Variants in EPB41L4B observed in about 807,000 individuals in gnomAD.
The protein encoded by EPB41L4B is band 4.1-like protein 4B.
Under a neutral mutation model 112.5 loss-of-function variants are expected in EPB41L4B, and 30 were observed. The ratio of observed to expected loss-of-function variants is 0.27; its 90% confidence interval spans 0.20 to 0.36. The LOEUF (loss-of-function observed/expected upper bound fraction) is 0.36. EPB41L4B is among the 10% of genes least tolerant of loss of function. EPB41L4B has a pLI of 1.00. For missense variants in EPB41L4B, 1,024 were observed against 1,133.3 expected, an observed-to-expected ratio of 0.90 and a Z score of 1.38; for synonymous variants, 408 against 439.7, an observed-to-expected ratio of 0.93 and a Z score of 0.90.
rs1309774165 is a variant in EPB41L4B, at chr9:109,258,283, A to C, written c.646T>G (p.Cys216Gly). The change falls in exon 7 of 26, where the codon TGC becomes GGC. Residue 216 changes from cysteine to glycine, a missense_variant. Transcript: ENST00000374566. Reference sequence around the variant, plus strand: ...TCTGGTGTGTGTTCTGGAAGCTCGCACTCCCCAAGCTCCGCTGTAAGTTTC... The same window carrying C: ...TCTGGTGTGTGTTCTGGAAGCTCGCCCTCCCCAAGCTCCGCTGTAAGTTTC... ...ALCLQAELGECELPEHTPELV... is the reference protein window; with the variant it reads ...ALCLQAELGEGELPEHTPELV... 9 of 1,613,172 alleles carry C rather than the reference A, an allele frequency of 5.6e-6. No individual in the cohort carries two copies. Among genetic ancestry groups the C allele is most frequent in the Non-Finnish European group, 7.6e-6 (9 of 1,179,360 alleles).
chr9:109,210,952 G>A (rs868227213), intron 17 of EPB41L4B, among the ~76,000 whole-genome samples: 7 of 152,176 alleles, frequency 4.6e-5, no homozygotes, highest in South Asian at 2.1e-4. Flanking sequence ...GAAATAGTCC[G>A]TCTGTTTGGG....
intron 14 of EPB41L4B, among the ~76,000 whole-genome samples, 182 bp downstream of exon 14, chr9:109,247,574 A>G (rs1291245575): frequency 2.6e-5 from 4 of 152,222 alleles, no homozygotes; most frequent in African/African-American, 9.6e-5. Context: ...GTCAGAAGGA[A>G]AGGGCTCTTC....
intron 7 of EPB41L4B, 66 bp downstream of exon 7, chr9:109,258,111 G>A: frequency 6.5e-7 from 1 of 1,534,914 alleles, no homozygotes; most frequent in Non-Finnish European, 8.9e-7. Flanking sequence ...AGATAAAGGA[G>A]TGTGATCAAC....
intron 1 of EPB41L4B, among the ~76,000 whole-genome samples, chr9:109,318,823 T>C (rs73523046): frequency 0.011 from 1,608 of 152,344 alleles, 27 homozygotes; most frequent in African/African-American, 0.037. Flanking sequence ...TGATATCTTA[T>C]GGAGAGCACA....
intron 16 of EPB41L4B, among the ~76,000 whole-genome samples, chr9:109,214,501 G>A (rs929182389): frequency 6.6e-6 from 1 of 152,200 alleles, no homozygotes; most frequent in African/African-American, 2.4e-5. Context: ...CTGAGAAAAG[G>A]TTTATTTAAT....
intron 1 of EPB41L4B, among the ~76,000 whole-genome samples, chr9:109,289,283 T>C (rs1340682478): frequency 6.6e-6 from 1 of 152,174 alleles, no homozygotes; most frequent in East Asian, 1.9e-4. Flanking sequence ...CACCCCACCA[T>C]ACACAGCAGG....
chr9:109,208,042 T>G lies in EPB41L4B; in HGVS notation c.1760A>C (p.Glu587Ala). The stretch of plus-strand genomic sequence containing the variant: ...AAGAGTTTTCTCCGAGACTTTCTTT[T>G]CTTCAGCCTGAGACAAACCAAAATA... ...PLHININKAEEKKVSEKTLQT... is the reference protein window; with the variant it reads ...PLHININKAEAKKVSEKTLQT... The change falls in exon 18 of 26, where the codon GAA (glutamate) becomes GCA (alanine). Residue 587 changes from glutamate (E) to alanine (A), a missense_variant. By Grantham distance (107) the Glu-to-Ala change is moderately radical. Transcript: ENST00000374566. 4 of 1,614,108 alleles carry G rather than the reference T, an allele frequency of 2.5e-6. No individual in the cohort carries two copies. The highest frequency in any genetic ancestry group is 3.4e-6 in the Non-Finnish European group (4 of 1,180,024).
At chr9:109,319,307 G>C (rs942250590) in intron 1 of EPB41L4B, among the ~76,000 whole-genome samples, 1 of 152,138 alleles carries the variant, frequency 6.6e-6, no homozygotes, top group South Asian at 2.1e-4. Flanking sequence ...CCTGTGGGCG[G>C]GTGCCCGGGA....
At chr9:109,312,355 G>A (rs1837442073) in intron 1 of EPB41L4B, among the ~76,000 whole-genome samples, 1 of 152,072 alleles carries the variant, frequency 6.6e-6, no homozygotes, top group Non-Finnish European at 1.5e-5. Context: ...GTTGAATTAT[G>A]GCCATCAAAC....
chr9:109,254,187 A>T (rs1834898266), intron 11 of EPB41L4B, among the ~76,000 whole-genome samples: 1 of 152,182 alleles, frequency 6.6e-6, no homozygotes, highest in Non-Finnish European at 1.5e-5. Flanking sequence ...AGAAAGGAAC[A>T]TGGTCTGGGA....
intron 2 of EPB41L4B, among the ~76,000 whole-genome samples, chr9:109,279,161 A>G (rs1408447796): frequency 2.6e-5 from 4 of 152,102 alleles, no homozygotes; most frequent in African/African-American, 9.7e-5. Context: ...CTGGTTAAAA[A>G]TAAAAGCAGC....
intron 15 of EPB41L4B, among the ~76,000 whole-genome samples, chr9:109,223,653 C>T (rs1333380251): frequency 2.0e-5 from 3 of 152,054 alleles, no homozygotes; most frequent in Non-Finnish European, 2.9e-5. Flanking sequence ...TAAGAAATCA[C>T]AGAATTTTAG....
intron 18 of EPB41L4B, among the ~76,000 whole-genome samples, chr9:109,206,010 C>G (rs1387754094): frequency 6.6e-6 from 1 of 152,088 alleles, no homozygotes; most frequent in Non-Finnish European, 1.5e-5. Flanking sequence ...ATGGTATGTT[C>G]TGGAAGGACC....
chr9:109,295,798 T>C (rs1040480556), intron 1 of EPB41L4B, among the ~76,000 whole-genome samples: 11 of 152,100 alleles, frequency 7.2e-5, no homozygotes, highest in Non-Finnish European at 1.3e-4. Context: ...TATAAACTCC[T>C]TGGCCATAAA....
At chr9:109,226,938 A>G (rs1452080488) in intron 15 of EPB41L4B, among the ~76,000 whole-genome samples, 1 of 151,678 alleles carries the variant, frequency 6.6e-6, no homozygotes, top group East Asian at 1.9e-4. Context: ...TCCTGGGCTC[A>G]AGCAATCTTC....
chr9:109,292,715 T>G (rs1044215702), intron 1 of EPB41L4B, among the ~76,000 whole-genome samples: 1 of 152,216 alleles, frequency 6.6e-6, no homozygotes, highest in Non-Finnish European at 1.5e-5. Flanking sequence ...TGCAATTCTC[T>G]GATACTCTTA....
At chr9:109,236,121 C>T (rs1222963301) in intron 15 of EPB41L4B, among the ~76,000 whole-genome samples, 1 of 152,238 alleles carries the variant, frequency 6.6e-6, no homozygotes, top group Non-Finnish European at 1.5e-5. Context: ...CAATCATGGG[C>T]TCCAGTCTTA....
chr9:109,243,604 G>A lies in EPB41L4B; in HGVS notation c.1409+14C>T, dbSNP rs1834431367. 2.5e-6 allele frequency: 4 copies of A among 1,613,448 alleles called. No homozygotes were observed. Among genetic ancestry groups the A allele is most frequent in the Non-Finnish European group, 1.7e-6 (2 of 1,179,412 alleles). On this transcript the variant is annotated intron_variant, in intron 15 of 25. Coordinates refer to ENST00000374566, the MANE Select transcript of EPB41L4B (RefSeq NM_019114.5). Reference sequence around the variant, plus strand: ...AGCTTTCGAAGGTGCAGCTCTGGAAGCACCAGCACTTACCTGACATTTGGA... The same window carrying A: ...AGCTTTCGAAGGTGCAGCTCTGGAAACACCAGCACTTACCTGACATTTGGA...
intron 15 of EPB41L4B, chr9:109,241,795 T>C (rs755502757): frequency 1.2e-5 from 20 of 1,614,038 alleles, no homozygotes; most frequent in East Asian, 2.2e-5. Context: ...CGACCTGTCA[T>C]CCTGAAAGGA....
Sources: allele counts gnomAD v4.1 joint callset (sites outside exome capture counted in the v4.1 genomes callset), GRCh38; gene constraint gnomAD v4.1.1; transcripts MANE v1.5; gene names NCBI Gene and HGNC (gene_info 2026-07-23, HGNC 2026-07-21).